FRYL: variants seen among roughly 807,000 people sequenced by gnomAD.
FRYL encodes FRY like transcription coactivator.
In FRYL, 150 loss-of-function variants were observed where a neutral mutation model predicts 351.2. The observed-to-expected ratio is 0.43, with a 90% CI of 0.37 to 0.49. FRYL has a LOEUF of 0.49. Among genes scored for constraint, FRYL ranks in the 20% least tolerant of loss-of-function variants. The probability of loss-of-function intolerance (pLI) is 0.00; values close to 1 mark genes in which losing one functional copy is unlikely to be tolerated. For synonymous variants in FRYL, 1,153 were observed against 1,257.1 expected (o/e 0.92, Z 1.75); for missense variants, 3,036 against 3,619.3 (o/e 0.84, Z 4.13).
chr4:48,690,545 C>A (rs527753860), intron 2 of FRYL, among the ~76,000 whole-genome samples: 14 of 152,148 alleles, frequency 9.2e-5, no homozygotes, highest in African/African-American at 3.4e-4. Flanking sequence ...ATGATACGCC[C>A]ACGAGAAACA....
intron 59 of FRYL, among the ~76,000 whole-genome samples, chr4:48,507,704 A>AGATAGAT (rs1328041017): frequency 0.012 from 4 of 336 alleles, no homozygotes; most frequent in Non-Finnish European, 0.091. Context: ...CAGTTTTCAA[A>AGATAGAT]GATAGATAGA....
At chr4:48,725,587 C>G (rs566822273) in intron 1 of FRYL, among the ~76,000 whole-genome samples, 1 of 152,324 alleles carries the variant, frequency 6.6e-6, no homozygotes, top group African/African-American at 2.4e-5. Flanking sequence ...CCTGCTCCAT[C>G]CTGCCCACCC....
chr4:48,629,854 T>C (rs1344227273), intron 4 of FRYL, among the ~76,000 whole-genome samples: 1 of 152,134 alleles, frequency 6.6e-6, no homozygotes, highest in Non-Finnish European at 1.5e-5. Flanking sequence ...AGAGGGCTGA[T>C]TGAAAGATTG....
chr4:48,725,493 T>C (rs1344767663), intron 1 of FRYL, among the ~76,000 whole-genome samples: 1 of 152,202 alleles, frequency 6.6e-6, no homozygotes, highest in Non-Finnish European at 1.5e-5. Flanking sequence ...GTCGACAATA[T>C]TAAATGGAAA....
chr4:48,527,395 A>G (rs1324227752), intron 53 of FRYL, 82 bp downstream of exon 53: 2 of 1,178,640 alleles, frequency 1.7e-6, no homozygotes, highest in Admixed American at 2.2e-5. Flanking sequence ...ACTGACCTCA[A>G]TAAGGAATGA....
At position 48,576,231 on chromosome 4, in the gene FRYL, A is replaced by T; in HGVS notation, c.2529-9T>A. 1 of 1,563,282 alleles carries T rather than the reference A, an allele frequency of 6.4e-7. No homozygotes were observed. The highest frequency in any genetic ancestry group is 8.6e-7 in the Non-Finnish European group (1 of 1,157,486). On this transcript the variant is annotated splice_polypyrimidine_tract_variant and intron_variant, in intron 23 of 63. Coordinates refer to ENST00000358350, the MANE Select transcript of FRYL (RefSeq NM_015030.2). ...TAGCATTGATGGGGCTACTAAGGAAAAAAAAAGAAAAATAGGCAGATATGA... is the reference window on the plus strand; with the variant it reads ...TAGCATTGATGGGGCTACTAAGGAATAAAAAAGAAAAATAGGCAGATATGA...
At chr4:48,635,247 T>A (rs530532820) in intron 3 of FRYL, among the ~76,000 whole-genome samples, 1 of 152,120 alleles carries the variant, frequency 6.6e-6, no homozygotes, top group Admixed American at 6.6e-5. Flanking sequence ...TGGAGAGGGA[T>A]AGAATCTGGC....
At chr4:48,504,690 T>C (rs1353536088) in intron 60 of FRYL, among the ~76,000 whole-genome samples, 1 of 152,112 alleles carries the variant, frequency 6.6e-6, no homozygotes, top group African/African-American at 2.4e-5. Flanking sequence ...CTCAGTTTCC[T>C]CATCTTCAAA....
At chr4:48,610,210 C>A (rs1397796554) in intron 7 of FRYL, among the ~76,000 whole-genome samples, 1 of 152,064 alleles carries the variant, frequency 6.6e-6, no homozygotes, top group Non-Finnish European at 1.5e-5. Flanking sequence ...CAATTTTGAA[C>A]TATCATGAAA....
At chr4:48,679,924 A>G (rs1486502495) in intron 3 of FRYL, among the ~76,000 whole-genome samples, 4 of 152,072 alleles carry the variant, frequency 2.6e-5, no homozygotes, top group Non-Finnish European at 5.9e-5. Context: ...ATTATTTTTA[A>G]TAACTAAAAA....
intron 22 of FRYL, among the ~76,000 whole-genome samples, chr4:48,579,678 T>C (rs888809963): frequency 1.3e-5 from 2 of 152,178 alleles, no homozygotes; most frequent in Non-Finnish European, 2.9e-5. Flanking sequence ...TGTTCAATAT[T>C]TGAACTCTTA....
chr4:48,511,022 T>A (rs1324320400), intron 57 of FRYL, 38 bp from the exon 58 acceptor site: 7 of 1,486,950 alleles, frequency 4.7e-6, no homozygotes, highest in Non-Finnish European at 6.4e-6. Flanking sequence ...TAGTGTTTCA[T>A]AAGAAGGCCT....
intron 3 of FRYL, among the ~76,000 whole-genome samples, chr4:48,647,800 A>T (rs1282582929): frequency 6.6e-6 from 1 of 152,192 alleles, no homozygotes; most frequent in Non-Finnish European, 1.5e-5. Context: ...TGGCTTTCTT[A>T]GGATCCACTT....
intron 13 of FRYL, among the ~76,000 whole-genome samples, chr4:48,598,062 CT>C (rs1456184537): frequency 6.6e-6 from 1 of 152,110 alleles, no homozygotes; most frequent in Non-Finnish European, 1.5e-5. Flanking sequence ...TGTTTCTTCT[CT>C]TTTTTTCTAC....
chr4:48,712,489 G>C (rs201529518), intron 1 of FRYL, among the ~76,000 whole-genome samples: 22 of 152,160 alleles, frequency 1.4e-4, no homozygotes, highest in Non-Finnish European at 1.0e-4. Context: ...TGAAATGAAA[G>C]AAATGAAGCG....
At chr4:48,601,043 T>C (rs1745598072) in intron 13 of FRYL, among the ~76,000 whole-genome samples, 2 of 152,150 alleles carry the variant, frequency 1.3e-5, no homozygotes, top group African/African-American at 2.4e-5. Flanking sequence ...CATAAAATCA[T>C]GAAAAAGACG....
At chr4:48,747,062 A>G (rs993406140) in intron 1 of FRYL, among the ~76,000 whole-genome samples, 7 of 152,180 alleles carry the variant, frequency 4.6e-5, no homozygotes, top group African/African-American at 1.7e-4. Flanking sequence ...CTGGAAAAAG[A>G]GCAAAACCCT....
intron 1 of FRYL, among the ~76,000 whole-genome samples, chr4:48,774,506 C>G (rs1775817013): frequency 6.6e-6 from 1 of 151,660 alleles, no homozygotes; most frequent in African/African-American, 2.4e-5. Flanking sequence ...TCTATTTTGT[C>G]AAAGTTAAAA....
chr4:48,611,708 T>C (rs936470694), intron 7 of FRYL, among the ~76,000 whole-genome samples: 1 of 152,196 alleles, frequency 6.6e-6, no homozygotes, highest in Non-Finnish European at 1.5e-5. Context: ...GCAATGAATC[T>C]ATAAAACAAT....
Sources: gnomAD v4.1 joint callset for allele counts (sites outside exome capture counted in the v4.1 genomes callset) on GRCh38, gnomAD v4.1.1 for gene constraint, MANE v1.5 for transcripts, NCBI Gene and HGNC (gene_info 2026-07-23, HGNC 2026-07-21) for gene names.